Variants in UGT1A7 observed in about 807,000 individuals in gnomAD.
UGT1A7 encodes the protein UDP glucuronosyltransferase family 1 member A7.
UGT1A7 carries 33 observed loss-of-function variants against 45.6 expected under a neutral mutation model. That is an observed-to-expected ratio of 0.72 (90% CI 0.55 to 0.97). UGT1A7 has a LOEUF of 0.97. Among genes scored for constraint, UGT1A7 ranks in the 50% least tolerant of loss-of-function variants. The probability of loss-of-function intolerance (pLI) is 0.00; values close to 1 mark genes in which losing one functional copy is unlikely to be tolerated. For missense variants in UGT1A7, 684 were observed against 666.2 expected, an observed-to-expected ratio of 1.03 and a Z score of -0.29; for synonymous variants, 274 against 250.6, an observed-to-expected ratio of 1.09 and a Z score of -0.88.
intron 1 of UGT1A7, among the ~76,000 whole-genome samples, chr2:233,745,959 A>G (rs923729881): frequency 6.6e-6 from 1 of 151,676 alleles, no homozygotes; most frequent in African/African-American, 2.4e-5. Flanking sequence ...ACTGGGGGAC[A>G]GGGGCCCTGA....
rs1105880 is a variant in UGT1A7, at chr2:233,693,319, A to G, written c.855+10527A>G. 0.35 allele frequency: 562,647 copies of G among 1,613,864 alleles called. 100,186 individuals are homozygous for G. Among genetic ancestry groups the G allele is most frequent in the South Asian group, 0.44 (40,333 of 91,054 alleles). Reference sequence around the variant, plus strand: ...ATCACTTTGCTGAGCGATCATTCCTAACTGCTCCTCAGACAGAGTACAGGA... The same window carrying G: ...ATCACTTTGCTGAGCGATCATTCCTGACTGCTCCTCAGACAGAGTACAGGA... On this transcript the variant is annotated intron_variant, in intron 1 of 4. Coordinates refer to ENST00000373426, the MANE Select transcript of UGT1A7 (RefSeq NM_019077.3).
rs146196081 is a variant in UGT1A7 at position 233,726,249 on chromosome 2, T to G, written c.856-40785T>G. ...TTTTTAAAACTCCAATATGAAAAGC[T>G]GGGTGCAGTGGCATGCGCCTATGGT... On this transcript the variant is annotated intron_variant, in intron 1 of 4. Transcript: ENST00000373426. Among the ~76,000 whole-genome samples, 3 of 152,316 alleles carry G rather than the reference T, an allele frequency of 2.0e-5. No individual in the cohort carries two copies. In the East Asian group the frequency reaches 5.8e-4, roughly 29 times the overall value.
intron 1 of UGT1A7, chr2:233,719,806 T>C: frequency 1.9e-6 from 3 of 1,595,234 alleles, no homozygotes; most frequent in Non-Finnish European, 2.6e-6. Context: ...TTTGGCTTCT[T>C]TATAACAGAT....
At chr2:233,693,296 C>T (rs774620598) in intron 1 of UGT1A7, 2 of 1,614,126 alleles carry the variant, frequency 1.2e-6, no homozygotes, top group Admixed American at 3.3e-5. Context: ...TGGAAACAAT[C>T]ACTTTGCTGA....
At chr2:233,751,815 C>G (rs186854463) in intron 1 of UGT1A7, among the ~76,000 whole-genome samples, 1 of 152,308 alleles carries the variant, frequency 6.6e-6, no homozygotes, top group East Asian at 1.9e-4. Context: ...TTTCCTGAGG[C>G]CTCCCCAGCC....
intron 1 of UGT1A7, chr2:233,693,980 G>T: frequency 6.4e-7 from 1 of 1,558,524 alleles, no homozygotes. Context: ...GAAACGGTGG[G>T]GGGAAGTGAT....
At position 233,682,263 on chromosome 2, in the gene UGT1A7, TAAC is replaced by T; in HGVS notation, c.329_331del (p.Thr110del). On this transcript the variant is annotated inframe_deletion, in exon 1 of 5. Coordinates refer to ENST00000373426, the MANE Select transcript of UGT1A7 (RefSeq NM_019077.3). ...CCATTGCGAAGTGCATTTTCTCTATTAACAAGTTCATCCAATGGTATTTTTGAC... is the reference window on the plus strand; with the variant it reads ...CCATTGCGAAGTGCATTTTCTCTATTAAGTTCATCCAATGGTATTTTTGAC... The T allele has an allele frequency of 6.2e-7, 1 of 1,614,216 alleles. No individual in the cohort carries two copies. Among genetic ancestry groups the T allele is most frequent in the South Asian group, 1.1e-5 (1 of 91,090 alleles).
intron 1 of UGT1A7, among the ~76,000 whole-genome samples, chr2:233,701,144 A>C (rs188566548): frequency 6.6e-6 from 1 of 152,282 alleles, no homozygotes. Flanking sequence ...GTTGGTTCCA[A>C]GTCTTTGCTA....
At chr2:233,730,719 C>T (rs141253229) in intron 1 of UGT1A7, among the ~76,000 whole-genome samples, 4 of 152,168 alleles carry the variant, frequency 2.6e-5, no homozygotes, top group Non-Finnish European at 4.4e-5. Flanking sequence ...CTGAAATTAT[C>T]AAGAAATGGC....
chr2:233,711,563 G>C (rs2076187207), intron 1 of UGT1A7, among the ~76,000 whole-genome samples: 1 of 152,208 alleles, frequency 6.6e-6, no homozygotes, highest in Admixed American at 6.5e-5. Context: ...AGTTCCCAAA[G>C]CCCTTGCAGG....
chr2:233,717,045 C>T (rs1187354283), intron 1 of UGT1A7, among the ~76,000 whole-genome samples: 1 of 152,150 alleles, frequency 6.6e-6, no homozygotes, highest in Non-Finnish European at 1.5e-5. Flanking sequence ...ACATGGGCCT[C>T]CGCAGGGTCT....
At chr2:233,743,761 G>A (rs767554453) in intron 1 of UGT1A7, 25 of 1,367,324 alleles carry the variant, frequency 1.8e-5, no homozygotes, top group Admixed American at 5.7e-5. Flanking sequence ...ACACCTCGTA[G>A]GCCTCGGCCA....
intron 1 of UGT1A7, among the ~76,000 whole-genome samples, chr2:233,722,626 G>T (rs1272001840): frequency 1.3e-5 from 2 of 152,128 alleles, no homozygotes; most frequent in African/African-American, 4.8e-5. Context: ...TCTTAATGAA[G>T]CATTGAGGGC....
intron 1 of UGT1A7, among the ~76,000 whole-genome samples, chr2:233,735,528 T>A (rs1193840651): frequency 1.3e-5 from 2 of 152,238 alleles, no homozygotes; most frequent in African/African-American, 4.8e-5. Flanking sequence ...TAAATATTGT[T>A]ATGAGTGAAT....
chr2:233,751,021 C>G (rs74787288), intron 1 of UGT1A7, among the ~76,000 whole-genome samples: 5,661 of 151,884 alleles, frequency 0.037, 155 homozygotes, highest in Non-Finnish European at 0.057. Flanking sequence ...AATAGTAGAT[C>G]CAATAGCTTG....
At chr2:233,725,116 C>T (rs2077366977) in intron 1 of UGT1A7, among the ~76,000 whole-genome samples, 1 of 140,206 alleles carries the variant, frequency 7.1e-6, no homozygotes, top group Non-Finnish European at 1.5e-5. Flanking sequence ...AGGGAGGTTG[C>T]AGTGAGCCGA....
chr2:233,734,021 G>A (rs2078468168), intron 1 of UGT1A7, among the ~76,000 whole-genome samples: 1 of 152,072 alleles, frequency 6.6e-6, no homozygotes, highest in Non-Finnish European at 1.5e-5. Context: ...ACGAGTTAAT[G>A]GGTGCAGCAC....
intron 1 of UGT1A7, chr2:233,761,197 G>A (rs369591851): frequency 3.7e-6 from 6 of 1,613,996 alleles, no homozygotes; most frequent in Non-Finnish European, 5.1e-6. Flanking sequence ...TCTTTCAGAT[G>A]TATTACTTTG....
At chr2:233,694,300 T>G (rs1423293480) in intron 1 of UGT1A7, among the ~76,000 whole-genome samples, 1 of 151,018 alleles carries the variant, frequency 6.6e-6, no homozygotes, top group East Asian at 1.9e-4. Flanking sequence ...AAGGCCTGTT[T>G]TTTGTTTTTT....
Sources: allele counts gnomAD v4.1 joint callset (sites outside exome capture counted in the v4.1 genomes callset), GRCh38; gene constraint gnomAD v4.1.1; transcripts MANE v1.5; gene names NCBI Gene and HGNC (gene_info 2026-07-23, HGNC 2026-07-21).